The following FNTB variants were observed in gnomAD, a reference collection of about 807,000 sequenced individuals.
FNTB encodes farnesyltransferase, CAAX box, subunit beta, also known as protein farnesyltransferase subunit beta.
A neutral mutation model predicts 59.4 loss-of-function variants in FNTB; 27 were observed. The observed-to-expected ratio is 0.45, with a 90% CI of 0.34 to 0.63. The LOEUF (loss-of-function observed/expected upper bound fraction) is 0.63. Ranked by LOEUF, FNTB falls within the 20% of genes least tolerant of loss-of-function variation. The probability of loss-of-function intolerance (pLI) is 0.02; values close to 1 mark genes in which losing one functional copy is unlikely to be tolerated. For missense variants in FNTB, 449 were observed against 559.6 expected, an observed-to-expected ratio of 0.80 and a Z score of 1.99; for synonymous variants, 230 against 220.7, an observed-to-expected ratio of 1.04 and a Z score of -0.37.
rs896809367 is a variant in FNTB at position 64,990,830 on chromosome 14, G to A, written c.144+3733G>A. On this transcript the variant is annotated intron_variant, in intron 1 of 11. Transcript: ENST00000246166. This position sits in a 1 kb window ranked among gnomAD's most constrained non-coding sequence, Gnocchi z 5.2. ...GCTATTGCAGTATCCTGGGAGAGAG[G>A]TGACGGTGGCTTAGCTCACAGTGAC... 6.6e-6 allele frequency among the ~76,000 whole-genome samples: 1 copy of A among 152,212 alleles called. No homozygotes were observed. Among genetic ancestry groups the A allele is most frequent in the African/African-American group, 2.4e-5 (1 of 41,440 alleles).
chr14:64,992,550 C>T (rs886759206), intron 1 of FNTB, among the ~76,000 whole-genome samples: 4 of 152,176 alleles, frequency 2.6e-5, no homozygotes, highest in Non-Finnish European at 5.9e-5. Context: ...TGAGATACAT[C>T]GTTTTTGAAT....
rs780363660 is a variant in FNTB, at chr14:65,004,292, A to C, written c.188A>C (p.Lys63Thr). 7 of 1,613,148 alleles carry C rather than the reference A, an allele frequency of 4.3e-6. No individual in the cohort carries two copies. Among genetic ancestry groups the C allele is most frequent in the African/African-American group, 1.3e-5 (1 of 74,902 alleles). The stretch of plus-strand genomic sequence containing the variant: ...ATCCAAGAGGTCTTCAGTTCTTACA[A>C]GTTCAACCACCTTGTACCAAGGTAA... ...EKIQEVFSSY[K>T]FNHLVPRLVL... Residue 63 changes from lysine to threonine, a missense_variant, in exon 2 of 12, where the codon AAG (lysine) becomes ACG (threonine). Physicochemically the swap from Lys to Thr is moderately conservative, Grantham distance 78. This residue lies in a region of FNTB where 112 missense variants were observed against 80.5 expected (regional missense o/e 1.39). Transcript: ENST00000246166.
intron 9 of FNTB, among the ~76,000 whole-genome samples, chr14:65,049,326 C>T (rs1006763214): frequency 6.6e-6 from 1 of 152,124 alleles, no homozygotes; most frequent in Non-Finnish European, 1.5e-5. Context: ...CTACAGATGG[C>T]TGCACCTATC....
At chr14:64,987,886 C>T (rs1481086924) in intron 1 of FNTB, among the ~76,000 whole-genome samples, 1 of 152,138 alleles carries the variant, frequency 6.6e-6, no homozygotes, top group African/African-American at 2.4e-5. Context: ...TGGAATTGTT[C>T]CCAAGGTTGC....
Position 64,990,592 on chromosome 14 carries a change from C to T in FNTB, c.144+3495C>T, listed in dbSNP as rs529254957. Among the ~76,000 whole-genome samples, 3 of 152,204 alleles carry T rather than the reference C, an allele frequency of 2.0e-5. No individual in the cohort carries two copies. The highest frequency in any genetic ancestry group is 4.4e-5 in the Non-Finnish European group (3 of 68,034). On this transcript the variant is annotated intron_variant, in intron 1 of 11. Transcript: ENST00000246166. The surrounding 1 kb of genome is among the most constrained non-coding windows in gnomAD (Gnocchi z 5.2). ...TTCTCTTGTGGTTTCCCTACACCTG[C>T]CCACATCTTTGTAAATAGTTCCTTT...
In FNTB at chr14:65,054,570, T is replaced by TA; in HGVS notation, c.1068-4dup. The stretch of plus-strand genomic sequence containing the variant: ...GCGCCTGCTCAGAGCTGCCTGTCCT[T>TA]ACAGGTCGCGTGATTTCTACCACAC... On this transcript the variant is annotated splice_polypyrimidine_tract_variant and splice_region_variant and intron_variant, in intron 10 of 11. Coordinates refer to ENST00000246166, the MANE Select transcript of FNTB (RefSeq NM_002028.4). This position sits in a 1 kb window ranked among gnomAD's most constrained non-coding sequence, Gnocchi z 4.4. The TA allele has an allele frequency of 6.2e-7, 1 of 1,611,980 alleles. No individual in the cohort carries two copies. The highest frequency in any genetic ancestry group is 8.5e-7 in the Non-Finnish European group (1 of 1,179,140).
intron 1 of FNTB, among the ~76,000 whole-genome samples, chr14:64,989,303 G>A (rs1173580952): frequency 1.4e-5 from 2 of 145,380 alleles, no homozygotes; most frequent in African/African-American, 5.2e-5. Flanking sequence ...AAGTAGCTGA[G>A]CGTGGTGGCA....
At chr14:65,000,604 A>C (rs1344019411) in intron 1 of FNTB, among the ~76,000 whole-genome samples, 1 of 152,016 alleles carries the variant, frequency 6.6e-6, no homozygotes, top group Non-Finnish European at 1.5e-5. Context: ...GCAGATCACG[A>C]GGTCAGGAGA....
chr14:64,988,216 G>A (rs1888029280), intron 1 of FNTB, among the ~76,000 whole-genome samples: 1 of 152,156 alleles, frequency 6.6e-6, no homozygotes, highest in Non-Finnish European at 1.5e-5. Flanking sequence ...TAAACTTCAT[G>A]GAATTTAGGG....
At chr14:65,046,819 A>T (rs1486845506) in intron 9 of FNTB, among the ~76,000 whole-genome samples, 1 of 150,604 alleles carries the variant, frequency 6.6e-6, no homozygotes, top group Non-Finnish European at 1.5e-5. Flanking sequence ...ATTCATAGAA[A>T]GTATCTAGGA....
Position 65,011,683 on chromosome 14 carries a change from T to A in FNTB, c.210-634T>A, listed in dbSNP as rs540184382. 2.4e-4 allele frequency among the ~76,000 whole-genome samples: 37 copies of A among 152,308 alleles called. 1 individual carries two copies. Among genetic ancestry groups the A allele is most frequent in the Admixed American group, 1.5e-3 (23 of 15,300 alleles). On this transcript the variant is annotated intron_variant, in intron 2 of 11. Transcript: ENST00000246166. This position sits in a 1 kb window ranked among gnomAD's most constrained non-coding sequence, Gnocchi z 4.0. Reference sequence around the variant, plus strand: ...CTGTGCTTTGCCCGGCCTGTGCAGGTGGCCATGGGCGGCACATTCCATCTT... The same window carrying A: ...CTGTGCTTTGCCCGGCCTGTGCAGGAGGCCATGGGCGGCACATTCCATCTT...
intron 1 of FNTB, among the ~76,000 whole-genome samples, chr14:64,996,896 A>C (rs933196377): frequency 2.7e-5 from 4 of 149,972 alleles, no homozygotes; most frequent in Non-Finnish European, 5.9e-5. Flanking sequence ...AGCAGCCCTT[A>C]TCATAAGTTG....
chr14:65,022,909 C>G (rs2061915228), intron 4 of FNTB, among the ~76,000 whole-genome samples: 1 of 152,202 alleles, frequency 6.6e-6, no homozygotes, highest in South Asian at 2.1e-4. Context: ...CCTGCCATCT[C>G]TAAGCGTAAT....
chr14:65,020,726 G>T (rs1490377167), intron 4 of FNTB, among the ~76,000 whole-genome samples: 1 of 129,144 alleles, frequency 7.7e-6, no homozygotes, highest in Non-Finnish European at 1.7e-5. Context: ...GAGCCACCGC[G>T]CCCGGCCTTT....
intron 9 of FNTB, among the ~76,000 whole-genome samples, chr14:65,049,837 T>G (rs1159022996): frequency 6.6e-6 from 1 of 152,104 alleles, no homozygotes; most frequent in Non-Finnish European, 1.5e-5. Flanking sequence ...ACTTACCTAT[T>G]CAGTTGCGAA....
intron 7 of FNTB, among the ~76,000 whole-genome samples, chr14:65,037,741 A>ATTTATTATTTATTTAT (rs372196330): frequency 7.5e-6 from 1 of 132,718 alleles, no homozygotes; most frequent in Admixed American, 7.9e-5. Flanking sequence ...TTATTTATTT[A>ATTTATTATTTATTTAT]TTATTTATTT....
At chr14:65,041,894 A>C (rs1236071060) in intron 8 of FNTB, among the ~76,000 whole-genome samples, 3 of 152,234 alleles carry the variant, frequency 2.0e-5, no homozygotes. Flanking sequence ...GAATGTGATT[A>C]GGGAGTGCCT....
intron 11 of FNTB, among the ~76,000 whole-genome samples, chr14:65,059,643 C>T (rs1393117280): frequency 6.6e-6 from 1 of 152,072 alleles, no homozygotes; most frequent in Non-Finnish European, 1.5e-5. Flanking sequence ...GTGTCCCCTT[C>T]TTCATTATCC....
At position 65,009,994 on chromosome 14, in the gene FNTB, G is replaced by A. The variant is rs965448126; in HGVS notation, c.210-2323G>A. Among the ~76,000 whole-genome samples the A allele has an allele frequency of 2.6e-5, 4 of 152,176 alleles. No homozygotes were observed. The highest frequency in any genetic ancestry group is 9.7e-5 in the African/African-American group (4 of 41,436). On this transcript the variant is annotated intron_variant, in intron 2 of 11. Transcript: ENST00000246166. The surrounding 1 kb of genome is among the most constrained non-coding windows in gnomAD (Gnocchi z 4.2). ...CAGATGGGTGCTCCCTGCGTCCTGA[G>A]TGGACTTTCCTGAAAGAGAAACTGA...
Sources: allele counts gnomAD v4.1 joint callset (sites outside exome capture counted in the v4.1 genomes callset), GRCh38; gene constraint gnomAD v4.1.1; regional missense constraint gnomAD v4.1.1; non-coding constraint Gnocchi (gnomAD v3.1); transcripts MANE v1.5; gene names NCBI Gene and HGNC (gene_info 2026-07-23, HGNC 2026-07-21).